The following RBL1 variants were observed in gnomAD, a reference collection of about 807,000 sequenced individuals.
The protein encoded by RBL1 is RB transcriptional corepressor like 1, also known as retinoblastoma-like protein 1.
A neutral mutation model predicts 123.0 loss-of-function variants in RBL1; 82 were observed. The ratio of observed to expected loss-of-function variants is 0.67; its 90% confidence interval spans 0.56 to 0.80. The LOEUF (loss-of-function observed/expected upper bound fraction) is 0.80, where lower values mean the gene tolerates loss of function less well. Ranked by LOEUF, RBL1 falls within the 30% of genes least tolerant of loss-of-function variation. RBL1 has a pLI of 0.00. For missense variants in RBL1, 1,171 were observed against 1,299.6 expected (o/e 0.90, Z 1.52); for synonymous variants, 405 against 441.3 (o/e 0.92, Z 1.03).
chr20:37,019,567 A>C (rs936695489), intron 18 of RBL1, among the ~76,000 whole-genome samples: 4 of 152,154 alleles, frequency 2.6e-5, no homozygotes, highest in African/African-American at 9.7e-5. Flanking sequence ...GGTTCTTCAA[A>C]TGTCTCTATA....
intron 7 of RBL1, among the ~76,000 whole-genome samples, chr20:37,062,645 C>CAAA (rs60370479): frequency 0.051 from 2,047 of 40,048 alleles, 334 homozygotes; most frequent in African/African-American, 0.13. Context: ...GACTCTGTCT[C>CAAA]AAAAAAAAAA....
At chr20:37,018,467 CTATT>C (rs2064290727) in intron 18 of RBL1, 98 bp from the exon 19 acceptor site, 2 of 1,446,676 alleles carry the variant, frequency 1.4e-6, no homozygotes, top group Non-Finnish European at 1.8e-6. Flanking sequence ...CAATTAAAAA[CTATT>C]TGTCTGTATA....
At chr20:37,043,994 T>A (rs906100644) in intron 13 of RBL1, 92 bp downstream of exon 13, 61 of 1,039,638 alleles carry the variant, frequency 5.9e-5, no homozygotes, top group Admixed American at 8.8e-5. Flanking sequence ...TTAAAATGGG[T>A]GAACTCTATG....
At position 37,095,937 on chromosome 20, in the gene RBL1, G is replaced by C. The variant is rs1301799694; in HGVS notation, c.-9C>G. On this transcript the variant is annotated 5_prime_UTR_variant, in exon 1 of 22. Coordinates refer to ENST00000373664, the MANE Select transcript of RBL1 (RefSeq NM_002895.5). ...GGCTTGTCCTCGAACATCCCTTCAG[G>C]CCCCGCGGGCTGCGCGCCACGGCCC... The C allele has an allele frequency of 4.6e-6, 7 of 1,533,146 alleles. No individual in the cohort carries two copies. The highest frequency in any genetic ancestry group is 5.3e-6 in the Non-Finnish European group (6 of 1,135,844). The allele number at this position is 1,533,146 out of a possible 1,614,324, so 95.0% of individuals were successfully genotyped here.
chr20:37,034,233 C>T (rs927998511), intron 15 of RBL1, among the ~76,000 whole-genome samples: 5 of 151,976 alleles, frequency 3.3e-5, no homozygotes, highest in Admixed American at 2.0e-4. Context: ...TACCATGCCC[C>T]GCATAAATCC....
chr20:37,029,566 T>C (rs1026587255), intron 16 of RBL1, among the ~76,000 whole-genome samples: 1 of 152,190 alleles, frequency 6.6e-6, no homozygotes, highest in Admixed American at 6.5e-5. Context: ...CCACTTTTAT[T>C]CAACATAGAA....
At chr20:37,067,922 A>G (rs2065208200) in intron 3 of RBL1, 64 bp downstream of exon 3, 10 of 1,526,528 alleles carry the variant, frequency 6.6e-6, no homozygotes, top group Non-Finnish European at 8.8e-6. Context: ...GACTTTCAAA[A>G]AAGTATATTC....
intron 21 of RBL1, among the ~76,000 whole-genome samples, chr20:36,999,418 C>T (rs1209048389): frequency 6.7e-6 from 1 of 149,190 alleles, no homozygotes; most frequent in Non-Finnish European, 1.5e-5. Flanking sequence ...GAAAAATAAG[C>T]TTCCCGTCTC....
At chr20:37,001,199 G>A (rs1457215886) in intron 21 of RBL1, among the ~76,000 whole-genome samples, 1 of 150,942 alleles carries the variant, frequency 6.6e-6, no homozygotes, top group Non-Finnish European at 1.5e-5. Context: ...GCCCCTGCCC[G>A]GCCGCCCCTA....
In RBL1 at chr20:37,084,860, G is replaced by T. The variant is rs565452389; in HGVS notation, c.290+4129C>A. On this transcript the variant is annotated intron_variant, in intron 2 of 21. Transcript: ENST00000373664. Reference sequence around the variant, plus strand: ...GGCTCACTGCAACCTCCACCTCCTGGGTTCAAGAAATTCTCTTGCCTTAGC... The same window carrying T: ...GGCTCACTGCAACCTCCACCTCCTGTGTTCAAGAAATTCTCTTGCCTTAGC... Among the ~76,000 whole-genome samples the T allele has an allele frequency of 5.9e-5, 9 of 152,200 alleles. No homozygotes were observed. The South Asian group carries it at 1.7e-3, about 28-fold the overall frequency.
intron 2 of RBL1, among the ~76,000 whole-genome samples, chr20:37,079,974 T>C (rs1444169162): frequency 1.3e-5 from 2 of 152,084 alleles, no homozygotes; most frequent in Admixed American, 1.3e-4. Context: ...ATTCAGGACT[T>C]AGTCCAAATT....
intron 11 of RBL1, chr20:37,049,485 GA>G: frequency 2.6e-6 from 2 of 754,760 alleles, no homozygotes; most frequent in Non-Finnish European, 4.9e-6. Context: ...AGAAAAGGAA[GA>G]AGTCTTACAC....
intron 9 of RBL1, among the ~76,000 whole-genome samples, chr20:37,057,986 G>A (rs1450513428): frequency 7.2e-5 from 11 of 151,864 alleles, no homozygotes; most frequent in Admixed American, 3.9e-4. Flanking sequence ...TTAGCCGGGC[G>A]TGGTGGTGCA....
chr20:37,072,362 G>A (rs949583847), intron 2 of RBL1, among the ~76,000 whole-genome samples: 2 of 152,116 alleles, frequency 1.3e-5, no homozygotes, highest in African/African-American at 2.4e-5. Flanking sequence ...CAGCTACTCC[G>A]GAGGCTGAGG....
intron 11 of RBL1, among the ~76,000 whole-genome samples, chr20:37,050,197 G>A (rs960255194): frequency 1.3e-5 from 2 of 151,990 alleles, no homozygotes; most frequent in Admixed American, 1.3e-4. Flanking sequence ...TGAAAATATA[G>A]CTGAAATTAA....
At position 37,010,963 on chromosome 20, in the gene RBL1, G is replaced by A. The variant is rs138076983; in HGVS notation, c.2723-3404C>T. Among the ~76,000 whole-genome samples, 464 of 152,216 alleles carry A rather than the reference G, an allele frequency of 3.0e-3. 1 individual carries two copies. The highest frequency in any genetic ancestry group is 7.5e-3 in the South Asian group (36 of 4,820). On this transcript the variant is annotated intron_variant, in intron 19 of 21. Transcript: ENST00000373664. ...CCCAAGTAGTTGGGACTACAGGTGTGAGCCACCATGCCCAGCTAATTTTTT... is the reference window on the plus strand; with the variant it reads ...CCCAAGTAGTTGGGACTACAGGTGTAAGCCACCATGCCCAGCTAATTTTTT...
At position 37,058,143 on chromosome 20, in the gene RBL1, A is replaced by AAAAAAAAAAAAAAAC. The variant is rs2065042393; in HGVS notation, c.1251-1886_1251-1885insGTTTTTTTTTTTTTT. ...AAAAAAAAAAAACAAAACAAAACAA[A>AAAAAAAAAAAAAAAC]AAAAAAAAAGCCTATTCCAGGGTTC... On this transcript the variant is annotated intron_variant, in intron 9 of 21. Coordinates refer to ENST00000373664, the MANE Select transcript of RBL1 (RefSeq NM_002895.5). Among the ~76,000 whole-genome samples the AAAAAAAAAAAAAAAC allele has an allele frequency of 1.4e-5, 2 of 139,908 alleles. 1 individual carries two copies. The highest frequency in any genetic ancestry group is 3.1e-5 in the Non-Finnish European group (2 of 63,778). 91.8% of individuals were successfully genotyped at this position (139,908 alleles called of 152,430 possible).
rs774773155 is a variant in RBL1, at chr20:37,022,807, A to T, written c.2402T>A (p.Val801Glu). The T allele has an allele frequency of 3.7e-6, 6 of 1,610,610 alleles. No individual in the cohort carries two copies. Among genetic ancestry groups the T allele is most frequent in the Non-Finnish European group, 5.1e-6 (6 of 1,178,366 alleles). Reference sequence around the variant, plus strand: ...TTTTAGACATAGATCACGTAAGCGTACACTTGCCAAATGATAGACCTAAAA... The same window carrying T: ...TTTTAGACATAGATCACGTAAGCGTTCACTTGCCAAATGATAGACCTAAAA... ...FYRKVYHLAS[V>E]RLRDLCLKLD... is the part of the protein sequence containing the mutation. The change falls in exon 17 of 22, where the codon GTA (valine) becomes GAA (glutamate). Residue 801 changes from valine (V) to glutamate (E), a missense_variant. Val to Glu is a moderately radical substitution (Grantham distance 121). Coordinates refer to ENST00000373664, the MANE Select transcript of RBL1 (RefSeq NM_002895.5).
At chr20:37,035,201 T>C (rs553821662) in intron 15 of RBL1, 41 bp downstream of exon 15, 1 of 1,535,364 alleles carries the variant, frequency 6.5e-7, no homozygotes, top group Non-Finnish European at 8.8e-7. Flanking sequence ...CTTAAATTTT[T>C]ATCTCAGAAA....
Sources: allele counts gnomAD v4.1 joint callset (sites outside exome capture counted in the v4.1 genomes callset), GRCh38; gene constraint gnomAD v4.1.1; transcripts MANE v1.5; gene names NCBI Gene and HGNC (gene_info 2026-07-23, HGNC 2026-07-21).